RSAD2: variants seen among roughly 807,000 people sequenced by gnomAD.
The protein encoded by RSAD2 is radical S-adenosyl methionine domain containing 2.
Under a neutral mutation model 37.7 loss-of-function variants are expected in RSAD2, and 38 were observed. The observed-to-expected ratio is 1.01, with a 90% CI of 0.78 to 1.32. The LOEUF (loss-of-function observed/expected upper bound fraction) is 1.32, where lower values mean the gene tolerates loss of function less well. Ranked by LOEUF, RSAD2 falls within the 40% of genes most tolerant of loss-of-function variation. RSAD2 has a pLI of 0.00. For synonymous variants in RSAD2, 163 were observed against 157.4 expected (o/e 1.04, Z -0.27); for missense variants, 428 against 437.5 (o/e 0.98, Z 0.19).
rs946463662 is a variant in RSAD2, at chr2:6,897,075, A to C, written c.*1133A>C. On this transcript the variant is annotated 3_prime_UTR_variant, in exon 6 of 6. Transcript: ENST00000382040. ...ATATCATATTTTTGAATGAACTCTGAGTCAGTTGAAATAGGGTACCATCTA... is the reference window on the plus strand; with the variant it reads ...ATATCATATTTTTGAATGAACTCTGCGTCAGTTGAAATAGGGTACCATCTA... 7 of 152,308 alleles carry C rather than the reference A, an allele frequency of 4.6e-5. No individual in the cohort carries two copies. The highest frequency in any genetic ancestry group is 1.0e-4 in the Non-Finnish European group (7 of 68,040). 9.4% of individuals were successfully genotyped at this position (152,308 alleles called of 1,614,324 possible).
intron 5 of RSAD2, among the ~76,000 whole-genome samples, chr2:6,894,088 G>A (rs962103200): frequency 3.3e-5 from 5 of 152,186 alleles, no homozygotes; most frequent in Admixed American, 2.0e-4. Flanking sequence ...TTTGAAGGAA[G>A]GCCATATCAC....
chr2:6,885,697 T>C (rs1663503415), intron 2 of RSAD2, among the ~76,000 whole-genome samples: 1 of 152,164 alleles, frequency 6.6e-6, no homozygotes, highest in Non-Finnish European at 1.5e-5. Flanking sequence ...AATATAGCAA[T>C]TGACTTACAG....
intron 2 of RSAD2, among the ~76,000 whole-genome samples, chr2:6,885,921 G>C (rs989644880): frequency 6.6e-6 from 1 of 152,068 alleles, no homozygotes; most frequent in Admixed American, 6.6e-5. Flanking sequence ...GCCTTATTCT[G>C]GCTCCAGTTT....
chr2:6,891,074 TTAACA>T (rs1232645857), intron 4 of RSAD2, among the ~76,000 whole-genome samples: 1 of 152,122 alleles, frequency 6.6e-6, no homozygotes, highest in Non-Finnish European at 1.5e-5. Flanking sequence ...GTGAAATATG[TTAACA>T]TGATATACTG....
chr2:6,874,609 A>G (rs1305424591), upstream of RSAD2, among the ~76,000 whole-genome samples: 1 of 152,246 alleles, frequency 6.6e-6, no homozygotes, highest in Non-Finnish European at 1.5e-5. Flanking sequence ...AATTAAGGAA[A>G]GCAAAATTAA....
chr2:6,877,984 G>A lies in RSAD2; in HGVS notation c.184G>A (p.Glu62Lys). 6.2e-7 allele frequency: 1 copy of A among 1,614,130 alleles called. No homozygotes were observed. The highest frequency in any genetic ancestry group is 1.1e-5 in the South Asian group (1 of 91,068). Residue 62 changes from glutamate to lysine, a missense_variant, in exon 1 of 6, where the codon GAG becomes AAG. Coordinates refer to ENST00000382040, the MANE Select transcript of RSAD2 (RefSeq NM_080657.5). ...VLRGPDETKE[E>K]EEDPPLPTTP... ...GAGAGGGCCAGATGAGACCAAAGAG[G>A]AGGAAGAGGACCCTCCTCTGCCCAC...
Position 6,895,839 on chromosome 2 carries a change from G to A in RSAD2, c.983G>A (p.Gly328Asp), listed in dbSNP as rs779884833. ...CCTTCCAAGTCCATCCTGGATGTTGGTGTAGAAGAAGCTATAAAATTCAGT... is the reference window on the plus strand; with the variant it reads ...CCTTCCAAGTCCATCCTGGATGTTGATGTAGAAGAAGCTATAAAATTCAGT... ...KDPSKSILDV[G>D]VEEAIKFSGF... is the part of the protein sequence containing the mutation. Residue 328 changes from glycine (G) to aspartate (D), a missense_variant, in exon 6 of 6, where the codon GGT becomes GAT. Gly to Asp is a moderately conservative substitution (Grantham distance 94). Coordinates refer to ENST00000382040, the MANE Select transcript of RSAD2 (RefSeq NM_080657.5). 2 of 1,614,160 alleles carry A rather than the reference G, an allele frequency of 1.2e-6. No individual in the cohort carries two copies. Among genetic ancestry groups the A allele is most frequent in the Non-Finnish European group, 1.7e-6 (2 of 1,179,988 alleles).
chr2:6,878,732 A>C (rs1663339366), intron 1 of RSAD2: 1 of 713,476 alleles, frequency 1.4e-6, no homozygotes, highest in African/African-American at 1.9e-5. Flanking sequence ...AGCGTCTTGG[A>C]GAGAACTCAG....
chr2:6,882,875 T>C (rs1164014817), intron 1 of RSAD2, among the ~76,000 whole-genome samples: 6 of 152,226 alleles, frequency 3.9e-5, no homozygotes, highest in Non-Finnish European at 8.8e-5. Flanking sequence ...CACCAATGCA[T>C]TTTGAGGCAT....
At position 6,889,747 on chromosome 2, in the gene RSAD2, C is replaced by G. The variant is rs1429616217; in HGVS notation, c.739-429C>G. 2.0e-5 allele frequency among the ~76,000 whole-genome samples: 3 copies of G among 152,176 alleles called. No homozygotes were observed. In the East Asian group the frequency reaches 5.8e-4, roughly 29 times the overall value. On this transcript the variant is annotated intron_variant, in intron 3 of 5. Transcript: ENST00000382040. The stretch of plus-strand genomic sequence containing the variant: ...TTTGAAAAACTGTTCTTAGGTCTTA[C>G]ATGAAAAACAGACATATGCTAGAGG...
chr2:6,878,802 C>T (rs1449617364), intron 1 of RSAD2: 20 of 1,192,238 alleles, frequency 1.7e-5, no homozygotes, highest in Non-Finnish European at 2.0e-5. Context: ...CCGTCCTTGT[C>T]TTCCTGTCTT....
exon 1 of RSAD2, chr2:6,865,985 G>A: frequency 1.2e-6 from 1 of 847,098 alleles, no homozygotes; most frequent in Non-Finnish European, 1.6e-6. Context: ...GGCCTGCGCG[G>A]TCCCCAGGCG....
At chr2:6,867,761 C>T (rs1376097892) in intron 1 of RSAD2, among the ~76,000 whole-genome samples, 1 of 152,206 alleles carries the variant, frequency 6.6e-6, no homozygotes, top group Non-Finnish European at 1.5e-5. Context: ...ACCTGACACA[C>T]AGTTTGCTAA....
rs3085176 is a variant in RSAD2 at position 6,897,994 on chromosome 2, C to CAAAAAAA, written c.*2066_*2072dup. Reference sequence around the variant, plus strand: ...TGGATGACAGAGCAAGACTCCGTCTCAAAAAAAAAAAAAAAAAAAAGCAAG... The same window carrying CAAAAAAA: ...TGGATGACAGAGCAAGACTCCGTCTCAAAAAAAAAAAAAAAAAAAAAAAAAAAGCAAG... On this transcript the variant is annotated 3_prime_UTR_variant, in exon 6 of 6. Transcript: ENST00000382040. 4.4e-5 allele frequency: 3 copies of CAAAAAAA among 68,326 alleles called. No homozygotes were observed. The highest frequency in any genetic ancestry group is 5.8e-5 in the African/African-American group (1 of 17,192). The allele number at this position is 68,326 out of a possible 1,614,324, so 4.2% of individuals were successfully genotyped here.
At chr2:6,870,317 T>C (rs772459813) in intron 1 of RSAD2, among the ~76,000 whole-genome samples, 1 of 152,204 alleles carries the variant, frequency 6.6e-6, no homozygotes, top group Non-Finnish European at 1.5e-5. Context: ...AAGAAGTCCT[T>C]GAGCTCAGTT....
upstream of RSAD2, chr2:6,877,529 C>T (rs565582360): frequency 4.5e-5 from 21 of 462,328 alleles, no homozygotes; most frequent in African/African-American, 4.1e-4. Context: ...CTACATCAAG[C>T]TAGAGAGACT....
rs571461470 is a variant in RSAD2 at position 6,887,385 on chromosome 2, C to A, written c.738+221C>A. On this transcript the variant is annotated intron_variant, in intron 3 of 5. Transcript: ENST00000382040. ...CTTTTCTTTGCCTTACTTCCCTTTT[C>A]TGAAAACATGATATGATTTCCTTTG... Among the ~76,000 whole-genome samples, 6 of 152,228 alleles carry A rather than the reference C, an allele frequency of 3.9e-5. No homozygotes were observed. The South Asian group carries it at 1.2e-3, about 32-fold the overall frequency.
chr2:6,884,015 C>A (rs947903236), intron 2 of RSAD2, among the ~76,000 whole-genome samples: 1 of 152,206 alleles, frequency 6.6e-6, no homozygotes, highest in African/African-American at 2.4e-5. Flanking sequence ...TGAGATTCCT[C>A]GCAGTTCAGT....
chr2:6,878,200 G>A, intron 1 of RSAD2, 54 bp downstream of exon 1: 2 of 1,494,132 alleles, frequency 1.3e-6, no homozygotes, highest in East Asian at 2.3e-5. Context: ...GGGCAGTGGG[G>A]TAAGGCGAGA....
Sources: allele counts gnomAD v4.1 joint callset (sites outside exome capture counted in the v4.1 genomes callset), GRCh38; gene constraint gnomAD v4.1.1; transcripts MANE v1.5; gene names NCBI Gene and HGNC (gene_info 2026-07-23, HGNC 2026-07-21).